ASIC2: variants seen among roughly 807,000 people sequenced by gnomAD.
ASIC2 encodes acid sensing ion channel subunit 2, also known as acid-sensing ion channel 2.
Under a neutral mutation model 57.3 loss-of-function variants are expected in ASIC2, and 25 were observed. The observed-to-expected ratio is 0.44, with a 90% CI of 0.32 to 0.61. The LOEUF is 0.61. ASIC2 is among the 20% of genes least tolerant of loss of function. The pLI is 0.06. For synonymous variants in ASIC2, 319 were observed against 307.5 expected, an observed-to-expected ratio of 1.04 and a Z score of -0.39; for missense variants, 641 against 738.1, an observed-to-expected ratio of 0.87 and a Z score of 1.52.
At chr17:33,209,774 A>C (rs1037844233) in intron 1 of ASIC2, among the ~76,000 whole-genome samples, 1 of 152,252 alleles carries the variant, frequency 6.6e-6, no homozygotes, top group African/African-American at 2.4e-5. Context: ...AAATGAATGC[A>C]TGAACATAGC....
intron 2 of ASIC2, among the ~76,000 whole-genome samples, chr17:33,100,509 C>G (rs771129450): frequency 6.6e-5 from 10 of 152,228 alleles, no homozygotes; most frequent in Non-Finnish European, 1.2e-4. Flanking sequence ...CTGGAACTGA[C>G]TATCTCCTTC....
intron 1 of ASIC2, among the ~76,000 whole-genome samples, chr17:33,782,484 A>ACTT (rs1911483579): frequency 6.6e-6 from 1 of 152,092 alleles, no homozygotes; most frequent in South Asian, 2.1e-4. Flanking sequence ...TAATTCCAGC[A>ACTT]CTTTGGGAGG....
chr17:33,098,689 G>A (rs182484214), intron 2 of ASIC2, among the ~76,000 whole-genome samples: 151 of 152,284 alleles, frequency 9.9e-4, no homozygotes, highest in Non-Finnish European at 1.4e-3. Flanking sequence ...ACGCTATGAC[G>A]TCCTGCAGCA....
chr17:34,138,159 T>C (rs1198132480), intron 1 of ASIC2, among the ~76,000 whole-genome samples: 1 of 152,108 alleles, frequency 6.6e-6, no homozygotes, highest in East Asian at 1.9e-4. Flanking sequence ...CCATGAGCTG[T>C]GAGACCTTGT....
intron 1 of ASIC2, among the ~76,000 whole-genome samples, chr17:34,084,887 T>G (rs1157385347): frequency 6.6e-6 from 1 of 152,212 alleles, no homozygotes; most frequent in Non-Finnish European, 1.5e-5. Context: ...CACATTGATT[T>G]TGTATCCTGA....
chr17:33,255,028 C>CTTTTTTTTTTTTTTT (rs1173076413), intron 1 of ASIC2, among the ~76,000 whole-genome samples: 2 of 73,994 alleles, frequency 2.7e-5, no homozygotes, highest in African/African-American at 5.8e-5. Context: ...AGAAAGAAAT[C>CTTTTTTTTTTTTTTT]TTTTTTTTTT....
At chr17:33,499,423 G>A (rs749958913) in intron 1 of ASIC2, among the ~76,000 whole-genome samples, 4 of 152,242 alleles carry the variant, frequency 2.6e-5, no homozygotes, top group Non-Finnish European at 4.4e-5. Context: ...AACACCATGT[G>A]AGATATAGAC....
chr17:33,161,772 T>C (rs1440628653), intron 1 of ASIC2, among the ~76,000 whole-genome samples: 1 of 149,706 alleles, frequency 6.7e-6, no homozygotes, highest in East Asian at 2.0e-4. Context: ...TCCCAGGAGG[T>C]GGTATAATGG....
At chr17:34,018,864 TGAG>T (rs1395948854) in intron 1 of ASIC2, among the ~76,000 whole-genome samples, 1 of 152,136 alleles carries the variant, frequency 6.6e-6, no homozygotes, top group Non-Finnish European at 1.5e-5. Context: ...TCTTAACAGA[TGAG>T]GGGTTGTTTT....
chr17:33,848,322 C>T (rs1161401998), intron 1 of ASIC2, among the ~76,000 whole-genome samples: 2 of 152,156 alleles, frequency 1.3e-5, no homozygotes, highest in South Asian at 2.1e-4. Flanking sequence ...AGTGGGGCAT[C>T]CTTTTTTTCT....
chr17:33,882,290 C>T (rs959613510), intron 1 of ASIC2, among the ~76,000 whole-genome samples: 1 of 152,114 alleles, frequency 6.6e-6, no homozygotes, highest in African/African-American at 2.4e-5. Context: ...AGCTTCTGCA[C>T]AGCAAAAGAA....
chr17:33,704,242 C>T (rs1453582397), intron 1 of ASIC2, among the ~76,000 whole-genome samples: 6 of 152,164 alleles, frequency 3.9e-5, no homozygotes, highest in Non-Finnish European at 5.9e-5. Flanking sequence ...ATGCTTTGCT[C>T]GTTATCATGT....
At chr17:33,999,080 CTTGA>C (rs1455195193) in intron 1 of ASIC2, among the ~76,000 whole-genome samples, 1 of 152,044 alleles carries the variant, frequency 6.6e-6, no homozygotes. Context: ...GCTATATACT[CTTGA>C]TTAATTGACC....
At chr17:33,109,446 G>A (rs374745079) in intron 2 of ASIC2, among the ~76,000 whole-genome samples, 4 of 152,028 alleles carry the variant, frequency 2.6e-5, no homozygotes, top group Admixed American at 6.5e-5. Flanking sequence ...CTTTAAACCC[G>A]TTCTTCATAC....
intron 3 of ASIC2, among the ~76,000 whole-genome samples, chr17:33,046,119 T>C (rs887496681): frequency 6.6e-6 from 1 of 152,160 alleles, no homozygotes; most frequent in Non-Finnish European, 1.5e-5. Context: ...CATCTTCAAT[T>C]CCCATCATTC....
intron 1 of ASIC2, among the ~76,000 whole-genome samples, chr17:33,867,744 G>A (rs1379594070): frequency 6.6e-6 from 1 of 152,180 alleles, no homozygotes; most frequent in Non-Finnish European, 1.5e-5. Context: ...CTGCTTGAGG[G>A]CTTCTGCTGT....
chr17:33,819,380 G>A (rs1404279291), intron 1 of ASIC2, among the ~76,000 whole-genome samples: 2 of 152,186 alleles, frequency 1.3e-5, no homozygotes, highest in Non-Finnish European at 2.9e-5. Flanking sequence ...ACAGATACTT[G>A]GTGCAGCATG....
intron 1 of ASIC2, among the ~76,000 whole-genome samples, chr17:33,372,415 C>G (rs1379411202): frequency 1.3e-5 from 2 of 152,130 alleles, no homozygotes; most frequent in Non-Finnish European, 2.9e-5. Context: ...CTGCCTACCC[C>G]CTGGGGCCCG....
chr17:33,144,227 G>A (rs1253713224), intron 1 of ASIC2, among the ~76,000 whole-genome samples: 6 of 152,072 alleles, frequency 3.9e-5, no homozygotes, highest in Admixed American at 3.3e-4. Context: ...TTCTTTTTGG[G>A]AACATGGAAT....
Sources: allele counts gnomAD v4.1 joint callset (sites outside exome capture counted in the v4.1 genomes callset), GRCh38; gene constraint gnomAD v4.1.1; transcripts MANE v1.5; gene names NCBI Gene and HGNC (gene_info 2026-07-23, HGNC 2026-07-21).